Variants in FLRT1 observed in about 807,000 individuals in gnomAD.
FLRT1 encodes fibronectin leucine rich transmembrane protein 1, also known as leucine-rich repeat transmembrane protein FLRT1.
In FLRT1, 14 loss-of-function variants were observed where a neutral mutation model predicts 30.9. The observed-to-expected ratio is 0.45, with a 90% CI of 0.30 to 0.71. The LOEUF (loss-of-function observed/expected upper bound fraction) is 0.71. Ranked by LOEUF, FLRT1 falls within the 30% of genes least tolerant of loss-of-function variation. The pLI is 0.08. For missense variants in FLRT1, 737 were observed against 949.2 expected, an observed-to-expected ratio of 0.78 and a Z score of 2.94; for synonymous variants, 368 against 430.4, an observed-to-expected ratio of 0.85 and a Z score of 1.80.
chr11:64,045,533 C>G (rs564736402), intron 1 of FLRT1, among the ~76,000 whole-genome samples: 1 of 152,288 alleles, frequency 6.6e-6, no homozygotes, highest in East Asian at 1.9e-4. Flanking sequence ...ATCCCAGCCT[C>G]TGGGTCACTT....
At chr11:64,071,568 G>A (rs1403773975) in intron 1 of FLRT1, among the ~76,000 whole-genome samples, 2 of 152,090 alleles carry the variant, frequency 1.3e-5, no homozygotes, top group Non-Finnish European at 2.9e-5. Context: ...GGGAAACCTT[G>A]CCCCTTAGTT....
At chr11:64,109,954 T>C (rs1433431327) in intron 2 of FLRT1, among the ~76,000 whole-genome samples, 1 of 151,950 alleles carries the variant, frequency 6.6e-6, no homozygotes, top group Non-Finnish European at 1.5e-5. Flanking sequence ...AGCTAGGCCG[T>C]GTGTCTGGGG....
chr11:64,041,715 C>T (rs184702841), intron 1 of FLRT1, among the ~76,000 whole-genome samples: 3 of 152,168 alleles, frequency 2.0e-5, no homozygotes, highest in Admixed American at 6.5e-5. Flanking sequence ...TGAGCTCTCT[C>T]AAGCGACATA....
chr11:64,063,843 A>G (rs1344160947), intron 1 of FLRT1, among the ~76,000 whole-genome samples: 1 of 152,238 alleles, frequency 6.6e-6, no homozygotes, highest in African/African-American at 2.4e-5. Flanking sequence ...TGCAATTAGC[A>G]CAGACAATGC....
Position 64,117,568 on chromosome 11 carries a change from A to G in FLRT1, c.1301A>G (p.Asp434Gly), listed in dbSNP as rs1344924251. The change falls in exon 3 of 3, where the codon GAT (aspartate) becomes GGT (glycine). Residue 434 changes from aspartate (D) to glycine (G), a missense_variant. Asp to Gly is a moderately conservative substitution (Grantham distance 94). Coordinates refer to ENST00000682287, the MANE Select transcript of FLRT1 (RefSeq NM_013280.5). ...ATTGACTACCCCATGGCCACGGGTG[A>G]TGGCGCCAAGACCCTGGCCATCCAC... ...SNIDYPMATGDGAKTLAIHVK... is the reference protein window; with the variant it reads ...SNIDYPMATGGGAKTLAIHVK... The G allele has an allele frequency of 6.2e-7, 1 of 1,607,832 alleles. No individual in the cohort carries two copies.
intron 2 of FLRT1, among the ~76,000 whole-genome samples, chr11:64,114,021 T>C (rs1944918745): frequency 6.7e-6 from 1 of 149,976 alleles, no homozygotes; most frequent in African/African-American, 2.5e-5. Flanking sequence ...CATGGATGGA[T>C]GGATGGATGG....
At chr11:64,111,476 G>A (rs1042342404) in intron 2 of FLRT1, among the ~76,000 whole-genome samples, 2 of 152,182 alleles carry the variant, frequency 1.3e-5, no homozygotes, top group South Asian at 2.1e-4. Flanking sequence ...CAGGACCTCC[G>A]GCTCCATAAC....
At chr11:64,113,603 GTGGATGGATGGATGGATGGATGGATGGA>G (rs138402349) in intron 2 of FLRT1, among the ~76,000 whole-genome samples, 2 of 117,456 alleles carry the variant, frequency 1.7e-5, no homozygotes, top group African/African-American at 3.4e-5. Context: ...GGATGGTTAG[GTGGATGGATGGATGGATGGATGGATGGA>G]TGGATGGATG....
intron 1 of FLRT1, among the ~76,000 whole-genome samples, chr11:64,058,000 G>A (rs557366047): frequency 1.3e-5 from 2 of 152,334 alleles, no homozygotes; most frequent in South Asian, 2.1e-4. Flanking sequence ...AGCCTCCTGG[G>A]ACAGCTGGCC....
At chr11:64,076,010 G>A (rs1213768728) in intron 1 of FLRT1, among the ~76,000 whole-genome samples, 13 of 152,202 alleles carry the variant, frequency 8.5e-5, no homozygotes. Flanking sequence ...ACCTCAGGCT[G>A]GGGTGAAGGA....
At position 64,071,008 on chromosome 11, in the gene FLRT1, C is replaced by T. The variant is rs115384268; in HGVS notation, c.-1037-32186C>T. On this transcript the variant is annotated intron_variant, in intron 1 of 2. Coordinates refer to ENST00000682287, the MANE Select transcript of FLRT1 (RefSeq NM_013280.5). The stretch of plus-strand genomic sequence containing the variant: ...TGACTATTCAATCCTCAGACCTCCA[C>T]AGTTCACAGAGCGGCCATACTCATC... Among the ~76,000 whole-genome samples the T allele has an allele frequency of 3.2e-3, 483 of 152,288 alleles. 4 individuals are homozygous for T. Among genetic ancestry groups the T allele is most frequent in the African/African-American group, 0.011 (463 of 41,562 alleles).
chr11:64,068,081 G>A (rs1944039103), intron 1 of FLRT1, among the ~76,000 whole-genome samples: 1 of 152,202 alleles, frequency 6.6e-6, no homozygotes. Flanking sequence ...TCTCAAACCG[G>A]AGCCGGGCGA....
chr11:64,090,410 C>A lies in FLRT1; in HGVS notation c.-1037-12784C>A, dbSNP rs1565227829. ...ATTACTGAGCCTGGTGCTTTATTTC[C>A]TCAACTCACCTCCAGCCCGGGCAGC... On this transcript the variant is annotated intron_variant, in intron 1 of 2. Transcript: ENST00000682287. The surrounding 1 kb of genome is among the most constrained non-coding windows in gnomAD (Gnocchi z 4.7). Among the ~76,000 whole-genome samples, 1 of 152,194 alleles carries A rather than the reference C, an allele frequency of 6.6e-6. No individual in the cohort carries two copies. The highest frequency in any genetic ancestry group is 1.5e-5 in the Non-Finnish European group (1 of 68,022).
intron 1 of FLRT1, among the ~76,000 whole-genome samples, chr11:64,077,303 G>A (rs1157907157): frequency 3.9e-5 from 6 of 152,318 alleles, no homozygotes; most frequent in Middle Eastern, 3.4e-3. Context: ...CATCCAGGGG[G>A]TCAGGGAGGC....
rs1944476972 is a variant in FLRT1 at position 64,090,823 on chromosome 11, A to G, written c.-1037-12371A>G. Among the ~76,000 whole-genome samples, 1 of 151,772 alleles carries G rather than the reference A, an allele frequency of 6.6e-6. No homozygotes were observed. The highest frequency in any genetic ancestry group is 2.4e-5 in the African/African-American group (1 of 41,288). On this transcript the variant is annotated intron_variant, in intron 1 of 2. Coordinates refer to ENST00000682287, the MANE Select transcript of FLRT1 (RefSeq NM_013280.5). This position sits in a 1 kb window ranked among gnomAD's most constrained non-coding sequence, Gnocchi z 4.7. ...TGTCTCTGGGGCTCTGCAGAAGCAG[A>G]GCCCGAGTCGGGTCCAGCCCTGCAC...
intron 2 of FLRT1, among the ~76,000 whole-genome samples, chr11:64,107,350 C>T (rs989061448): frequency 6.6e-6 from 1 of 152,134 alleles, no homozygotes; most frequent in African/African-American, 2.4e-5. Flanking sequence ...CCCCCACCCC[C>T]TCCTGGCCTT....
Position 64,049,632 on chromosome 11 carries a change from T to G in FLRT1, c.-1038+13473T>G, listed in dbSNP as rs140213569. On this transcript the variant is annotated intron_variant, in intron 1 of 2. Transcript: ENST00000682287. ...CACAGACATCCTGATGGTTCAGGGTTGGAGGTGCCTGCTGAAGGGGGTGGA... is the reference window on the plus strand; with the variant it reads ...CACAGACATCCTGATGGTTCAGGGTGGGAGGTGCCTGCTGAAGGGGGTGGA... Among the ~76,000 whole-genome samples, 302 of 152,312 alleles carry G rather than the reference T, an allele frequency of 2.0e-3. 1 individual carries two copies. Among genetic ancestry groups the G allele is most frequent in the Middle Eastern group, 0.01 (3 of 294 alleles).
Position 64,117,533 on chromosome 11 carries a change from C to T in FLRT1, c.1266C>T (p.Pro422=), listed in dbSNP as rs746675943. The change falls in exon 3 of 3, where the codon CCC becomes CCT. Residue 422 remains proline, a synonymous_variant. Coordinates refer to ENST00000682287, the MANE Select transcript of FLRT1 (RefSeq NM_013280.5). ...LKAKRPGLRL[P]DSNIDYPMAT... is the part of the protein sequence containing the mutation. ...CCAAAAGGCCAGGGCTGCGCCTCCC[C>T]GACTCCAACATTGACTACCCCATGG... 29 of 1,602,610 alleles carry T rather than the reference C, an allele frequency of 1.8e-5. No individual in the cohort carries two copies. Among genetic ancestry groups the T allele is most frequent in the African/African-American group, 6.7e-5 (5 of 74,714 alleles).
intron 1 of FLRT1, among the ~76,000 whole-genome samples, chr11:64,066,331 G>A (rs1025941867): frequency 1.1e-4 from 17 of 149,434 alleles, no homozygotes; most frequent in African/African-American, 4.2e-4. Flanking sequence ...ATGAATTTAG[G>A]CCAAGCATGG....
Sources: allele counts gnomAD v4.1 joint callset (sites outside exome capture counted in the v4.1 genomes callset), GRCh38; gene constraint gnomAD v4.1.1; non-coding constraint Gnocchi (gnomAD v3.1); transcripts MANE v1.5; gene names NCBI Gene and HGNC (gene_info 2026-07-23, HGNC 2026-07-21).